Variants in DNAJC15 observed in about 807,000 individuals in gnomAD.
The protein encoded by DNAJC15 is dnaJ homolog subfamily C member 15.
A neutral mutation model predicts 22.4 loss-of-function variants in DNAJC15; 27 were observed. The ratio of observed to expected loss-of-function variants is 1.20; its 90% CI spans 0.89 to 1.66. The LOEUF (loss-of-function observed/expected upper bound fraction) is 1.66. DNAJC15 is among the 40% of genes most tolerant of loss of function. The probability of loss-of-function intolerance (pLI) is 0.00; values close to 1 mark genes in which losing one functional copy is unlikely to be tolerated. For missense variants in DNAJC15, 208 were observed against 187.1 expected, an observed-to-expected ratio of 1.11 and a Z score of -0.65; for synonymous variants, 79 against 63.2, an observed-to-expected ratio of 1.25 and a Z score of -1.19.
chr13:43,035,011 C>A (rs1243197973), intron 1 of DNAJC15, among the ~76,000 whole-genome samples: 4 of 152,182 alleles, frequency 2.6e-5, no homozygotes, highest in Non-Finnish European at 5.9e-5. Context: ...TATCCTCCCA[C>A]CCAAATGTTC....
rs9562455 is a variant in DNAJC15, at chr13:43,043,222, C to G, written c.108+19488C>G. Among the ~76,000 whole-genome samples, 77 of 152,348 alleles carry G rather than the reference C, an allele frequency of 5.1e-4. No homozygotes were observed. The East Asian group carries it at 0.014, about 28-fold the overall frequency. On this transcript the variant is annotated intron_variant, in intron 1 of 5. Coordinates refer to ENST00000379221, the MANE Select transcript of DNAJC15 (RefSeq NM_013238.3). Reference sequence around the variant, plus strand: ...TCCCGGGTTCAAGCGAGTCTCCCCCCTCAGCCTCCCCAGTAGCTGGGACTA... The same window carrying G: ...TCCCGGGTTCAAGCGAGTCTCCCCCGTCAGCCTCCCCAGTAGCTGGGACTA...
At chr13:43,034,099 G>T (rs1287944021) in intron 1 of DNAJC15, among the ~76,000 whole-genome samples, 1 of 150,812 alleles carries the variant, frequency 6.6e-6, no homozygotes, top group African/African-American at 2.4e-5. Context: ...CTATAAACAT[G>T]TTTGTTGCAA....
chr13:43,098,452 T>TTC (rs774678138), intron 5 of DNAJC15, among the ~76,000 whole-genome samples: 5 of 152,228 alleles, frequency 3.3e-5, no homozygotes, highest in Non-Finnish European at 7.3e-5. Flanking sequence ...GTAGAACCTC[T>TTC]TCAGACCCTT....
chr13:43,071,473 A>T, intron 3 of DNAJC15, among the ~76,000 whole-genome samples: 1 of 152,350 alleles, frequency 6.6e-6, no homozygotes, highest in Non-Finnish European at 1.5e-5. Flanking sequence ...TATCATTGTC[A>T]TAATCATAAT....
chr13:43,075,945 G>A (rs1404998285), intron 3 of DNAJC15, among the ~76,000 whole-genome samples: 1 of 152,198 alleles, frequency 6.6e-6, no homozygotes, highest in Admixed American at 6.5e-5. Flanking sequence ...ACAGGCGTGA[G>A]GCACCACAGT....
At chr13:43,075,877 T>G (rs1482075480) in intron 3 of DNAJC15, among the ~76,000 whole-genome samples, 1 of 152,140 alleles carries the variant, frequency 6.6e-6, no homozygotes, top group East Asian at 1.9e-4. Flanking sequence ...TTGGCCAGGC[T>G]GGTCTCTAAC....
Position 43,030,618 on chromosome 13 carries a change from G to A in DNAJC15, c.108+6884G>A, listed in dbSNP as rs961459221. ...CATTTAACACTTTATTTATGGAGTC[G>A]TACATTATTAGGTAAGGTTCTGAGT... On this transcript the variant is annotated intron_variant, in intron 1 of 5. Coordinates refer to ENST00000379221, the MANE Select transcript of DNAJC15 (RefSeq NM_013238.3). 5.3e-5 allele frequency among the ~76,000 whole-genome samples: 8 copies of A among 152,068 alleles called. No individual in the cohort carries two copies. In the East Asian group the frequency reaches 7.7e-4, roughly 15 times the overall value.
chr13:43,032,072 A>G lies in DNAJC15; in HGVS notation c.108+8338A>G, dbSNP rs148235152. ...TCAAAACCACTCTACATTAATTGGAACCACGGATGTCTGTTCAGGGGGAGC... is the reference window on the plus strand; with the variant it reads ...TCAAAACCACTCTACATTAATTGGAGCCACGGATGTCTGTTCAGGGGGAGC... On this transcript the variant is annotated intron_variant, in intron 1 of 5. Transcript: ENST00000379221. 2.8e-3 allele frequency among the ~76,000 whole-genome samples: 422 copies of G among 152,312 alleles called. 13 individuals carry two copies. The East Asian group carries it at 0.045, about 16-fold the overall frequency.
At chr13:43,040,576 G>A (rs1045622556) in intron 1 of DNAJC15, among the ~76,000 whole-genome samples, 4 of 152,160 alleles carry the variant, frequency 2.6e-5, no homozygotes, top group African/African-American at 4.8e-5. Flanking sequence ...ACACCTGTGG[G>A]CGTTTCTCGT....
At position 43,078,689 on chromosome 13, in the gene DNAJC15, G is replaced by A. The variant is rs751659284; in HGVS notation, c.311+1G>A. 1.9e-6 allele frequency: 3 copies of A among 1,612,936 alleles called. No homozygotes were observed. The highest frequency in any genetic ancestry group is 2.5e-6 in the Non-Finnish European group (3 of 1,179,222). On this transcript the variant is annotated splice_donor_variant, in intron 4 of 5. Coordinates refer to ENST00000379221, the MANE Select transcript of DNAJC15 (RefSeq NM_013238.3). LOFTEE classifies it high-confidence loss of function. ...AAGCTGGTCTTATTTTAGGTGTAAG[G>A]TAGGTGTGCAGCATAAGTATTGTTT...
At chr13:43,072,402 T>C (rs2040613279) in intron 3 of DNAJC15, among the ~76,000 whole-genome samples, 1 of 152,308 alleles carries the variant, frequency 6.6e-6, no homozygotes, top group Non-Finnish European at 1.5e-5. Context: ...ATGTTGGACC[T>C]GATAAAAAGA....
intron 5 of DNAJC15, among the ~76,000 whole-genome samples, chr13:43,097,046 A>G (rs1486258059): frequency 1.3e-5 from 2 of 152,184 alleles, no homozygotes; most frequent in East Asian, 1.9e-4. Flanking sequence ...TTTCGCCACT[A>G]AGTTTTGGGG....
chr13:43,088,369 T>C (rs897915798), intron 5 of DNAJC15, among the ~76,000 whole-genome samples: 5 of 152,186 alleles, frequency 3.3e-5, no homozygotes, highest in African/African-American at 1.2e-4. Flanking sequence ...GGCTTTCTGC[T>C]CTGTCCCGGG....
intron 1 of DNAJC15, among the ~76,000 whole-genome samples, chr13:43,059,082 A>AG (rs1404646444): frequency 6.6e-6 from 1 of 152,160 alleles, no homozygotes; most frequent in East Asian, 1.9e-4. Flanking sequence ...TCACGGTGTG[A>AG]GTCTCCACAT....
intron 5 of DNAJC15, among the ~76,000 whole-genome samples, chr13:43,099,589 C>A (rs74060918): frequency 0.017 from 2,542 of 152,138 alleles, 83 homozygotes; most frequent in East Asian, 0.1. Flanking sequence ...TGCTTTTTTC[C>A]TGAAAGTGTG....
intron 1 of DNAJC15, among the ~76,000 whole-genome samples, chr13:43,045,685 G>A (rs982387285): frequency 1.3e-5 from 2 of 152,130 alleles, no homozygotes; most frequent in Admixed American, 1.3e-4. Context: ...TGGGCCTGGG[G>A]CCAGGCTGCC....
chr13:43,054,112 G>GA (rs1370672695), intron 1 of DNAJC15, among the ~76,000 whole-genome samples: 3 of 151,862 alleles, frequency 2.0e-5, no homozygotes, highest in Non-Finnish European at 4.4e-5. Context: ...TTTTAATCAT[G>GA]ATGGAATGCT....
chr13:43,094,981 C>T (rs893538554), intron 5 of DNAJC15, among the ~76,000 whole-genome samples: 2 of 152,206 alleles, frequency 1.3e-5, no homozygotes, highest in African/African-American at 4.8e-5. Context: ...CCCTGTAACA[C>T]TAATTCAACA....
chr13:43,106,581 A>T (rs1198280002), intron 5 of DNAJC15, among the ~76,000 whole-genome samples: 5 of 152,260 alleles, frequency 3.3e-5, no homozygotes, highest in Middle Eastern at 3.4e-3. Context: ...GAACAAAAAA[A>T]ATTTTTTGAC....
Sources: gnomAD v4.1 joint callset for allele counts (sites outside exome capture counted in the v4.1 genomes callset) on GRCh38, gnomAD v4.1.1 for gene constraint, MANE v1.5 for transcripts, NCBI Gene and HGNC (gene_info 2026-07-23, HGNC 2026-07-21) for gene names.